GALNT9: variants seen among roughly 807,000 people sequenced by gnomAD.
The protein encoded by GALNT9 is GalNAc transferase 9.
GALNT9 carries 47 observed loss-of-function variants against 63.1 expected under a neutral mutation model. That is an observed-to-expected ratio of 0.75 (90% CI 0.59 to 0.95). The LOEUF is 0.95. GALNT9 is among the 40% of genes least tolerant of loss of function. The probability of loss-of-function intolerance (pLI) is 0.00; values close to 1 mark genes in which losing one functional copy is unlikely to be tolerated. For synonymous variants in GALNT9, 396 were observed against 365.7 expected (o/e 1.08, Z -0.94); for missense variants, 829 against 874.8 (o/e 0.95, Z 0.66).
At chr12:132,213,098 CG>C (rs1877023553) in intron 6 of GALNT9, among the ~76,000 whole-genome samples, 1 of 74,934 alleles carries the variant, frequency 1.3e-5, no homozygotes, top group African/African-American at 5.0e-5. Context: ...AAACCCCACC[CG>C]GGTCTGCAGC....
At chr12:132,227,989 T>C (rs1271424447) in intron 6 of GALNT9, among the ~76,000 whole-genome samples, 1 of 152,126 alleles carries the variant, frequency 6.6e-6, no homozygotes, top group Middle Eastern at 3.2e-3. Context: ...GAGCAGGGGC[T>C]GTGGGCAGGT....
chr12:132,257,554 C>CGCCCTCGTCCCCA, intron 5 of GALNT9, 135 bp downstream of exon 5: 1 of 292,004 alleles, frequency 3.4e-6, no homozygotes, highest in Admixed American at 5.0e-5. Context: ...CTCGTCCCCA[C>CGCCCTCGTCCCCA]GCCCTCGTCC....
At chr12:132,237,222 A>G (rs2136895259) in intron 6 of GALNT9, among the ~76,000 whole-genome samples, 34 of 152,000 alleles carry the variant, frequency 2.2e-4, no homozygotes, top group African/African-American at 7.5e-4. Flanking sequence ...TCTGCCGTGT[A>G]CCCTCAGCTG....
chr12:132,197,774 C>T lies in GALNT9; in HGVS notation c.1665+18G>A, dbSNP rs1436262960. 3.3e-6 allele frequency: 5 copies of T among 1,528,740 alleles called. No homozygotes were observed. The East Asian group carries it at 1.2e-4, about 37-fold the overall frequency. 94.7% of individuals were successfully genotyped at this position (1,528,740 alleles called of 1,614,324 possible). ...TGCCCCGCCCCAACCCCACGGCCCC[C>T]CTTCCCCAGAGGCTGACCTGGGTGA... is the stretch of plus-strand genomic sequence containing the variant. On this transcript the variant is annotated intron_variant, in intron 10 of 10. Coordinates refer to ENST00000328957, the MANE Select transcript of GALNT9 (RefSeq NM_001122636.2).
intron 7 of GALNT9, 99 bp downstream of exon 7, chr12:132,203,406 G>A: frequency 9.1e-7 from 1 of 1,100,582 alleles, no homozygotes; most frequent in African/African-American, 1.6e-5. Flanking sequence ...ACTCACACCT[G>A]CAGGGGGCCC....
intron 1 of GALNT9, among the ~76,000 whole-genome samples, chr12:132,300,285 A>T (rs111575867): frequency 0.092 from 12,250 of 133,184 alleles, 474 homozygotes; most frequent in African/African-American, 0.1. Context: ...CACCTAACCC[A>T]CCCCTGAGAT....
chr12:132,253,277 G>T (rs1308757755), intron 5 of GALNT9, among the ~76,000 whole-genome samples: 5 of 151,960 alleles, frequency 3.3e-5, no homozygotes, highest in Non-Finnish European at 5.9e-5. Flanking sequence ...CAGGCCTGGA[G>T]AATATCCAGC....
Position 132,310,576 on chromosome 12 carries a change from T to G in GALNT9, c.238+18390A>C, listed in dbSNP as rs1881778325. On this transcript the variant is annotated intron_variant, in intron 1 of 10. Transcript: ENST00000328957. The surrounding 1 kb of genome is among the most constrained non-coding windows in gnomAD (Gnocchi z 4.8). ...GCCTGCTTTCCCAGCACACGATACC[T>G]GGGATATGTGGGCGGCTGTGATTTT... is the stretch of plus-strand genomic sequence containing the variant. Among the ~76,000 whole-genome samples the G allele has an allele frequency of 6.6e-6, 1 of 152,188 alleles. No individual in the cohort carries two copies. The highest frequency in any genetic ancestry group is 1.5e-5 in the Non-Finnish European group (1 of 68,024).
chr12:132,298,365 G>A (rs1881153204), intron 1 of GALNT9, among the ~76,000 whole-genome samples: 1 of 150,374 alleles, frequency 6.7e-6, no homozygotes, highest in South Asian at 2.1e-4. Flanking sequence ...CCACTCCCAT[G>A]ATAACTAACC....
chr12:132,207,823 G>A (rs961737827), intron 6 of GALNT9, among the ~76,000 whole-genome samples: 1 of 152,166 alleles, frequency 6.6e-6, no homozygotes, highest in African/African-American at 2.4e-5. Flanking sequence ...TAGCTCAGGA[G>A]TGATAAAGTC....
chr12:132,300,138 C>T (rs1400070722), intron 1 of GALNT9, among the ~76,000 whole-genome samples: 2 of 149,040 alleles, frequency 1.3e-5, no homozygotes, highest in Admixed American at 1.3e-4. Flanking sequence ...CCTAACCCAT[C>T]CCTGAGATAA....
intron 6 of GALNT9, among the ~76,000 whole-genome samples, chr12:132,221,958 G>A (rs528720568): frequency 3.9e-5 from 6 of 152,240 alleles, no homozygotes; most frequent in East Asian, 3.9e-4. Flanking sequence ...AGGTTTAATC[G>A]CTAGACATGC....
At chr12:132,257,498 A>ACGCCC (rs1879172784) in intron 5 of GALNT9, among the ~76,000 whole-genome samples, 191 bp downstream of exon 5, 16 of 5,612 alleles carry the variant, frequency 2.9e-3, no homozygotes, top group African/African-American at 5.2e-3. Flanking sequence ...CCTCGTCCTC[A>ACGCCC]TGCCCTCATC....
intron 8 of GALNT9, chr12:132,200,636 G>C (rs1035218514): frequency 6.4e-6 from 1 of 155,106 alleles, no homozygotes; most frequent in Non-Finnish European, 1.4e-5. Context: ...AAAACTGGGT[G>C]CAAATGTATA....
intron 8 of GALNT9, among the ~76,000 whole-genome samples, chr12:132,199,737 G>A (rs1056506113): frequency 6.6e-6 from 1 of 152,226 alleles, no homozygotes; most frequent in African/African-American, 2.4e-5. Flanking sequence ...CCAGACTGCT[G>A]GGGGATGTGT....
chr12:132,286,429 G>T lies in GALNT9; in HGVS notation c.240C>A (p.Gly80=). 3 of 1,548,614 alleles carry T rather than the reference G, an allele frequency of 1.9e-6. No homozygotes were observed. The highest frequency in any genetic ancestry group is 2.6e-6 in the Non-Finnish European group (3 of 1,146,094). ...CCACCAGGCCGATGGGCTTGGCAAG[G>T]CCTGGGGGAAAGGAAGAGAGGGAGG... is the stretch of plus-strand genomic sequence containing the variant. ...LEEVVYNQLN[G]LAKPIGLVEG... The change falls in exon 2 of 11, where the codon GGC becomes GGA. Residue 80 remains glycine, a splice_region_variant and synonymous_variant. Coordinates refer to ENST00000328957, the MANE Select transcript of GALNT9 (RefSeq NM_001122636.2). The surrounding 1 kb of genome is among the most constrained non-coding windows in gnomAD (Gnocchi z 7.4).
intron 4 of GALNT9, among the ~76,000 whole-genome samples, chr12:132,260,001 AAC>A (rs1466875926): frequency 4.1e-5 from 3 of 73,514 alleles, no homozygotes; most frequent in South Asian, 5.8e-4. Context: ...GGGTGCGGGG[AAC>A]ACACCCTGAG....
At chr12:132,230,548 C>T (rs1240761866) in intron 6 of GALNT9, among the ~76,000 whole-genome samples, 1 of 150,704 alleles carries the variant, frequency 6.6e-6, no homozygotes, top group African/African-American at 2.5e-5. Flanking sequence ...GCCCTCGTGG[C>T]GGGGGAGTCC....
At chr12:132,240,810 C>A (rs1350694505) in intron 6 of GALNT9, 1 of 425,524 alleles carries the variant, frequency 2.4e-6, no homozygotes, top group Non-Finnish European at 4.7e-6. Context: ...ATGCCACACA[C>A]CCTTCCCAAG....
Sources: allele counts gnomAD v4.1 joint callset (sites outside exome capture counted in the v4.1 genomes callset), GRCh38; gene constraint gnomAD v4.1.1; non-coding constraint Gnocchi (gnomAD v3.1); transcripts MANE v1.5; gene names NCBI Gene and HGNC (gene_info 2026-07-23, HGNC 2026-07-21).